SNX24: variants seen among roughly 807,000 people sequenced by gnomAD.
The protein encoded by SNX24 is sorting nexin-24.
Under a neutral mutation model 28.7 loss-of-function variants are expected in SNX24, and 22 were observed. The observed-to-expected ratio is 0.77, with a 90% CI of 0.55 to 1.10. The LOEUF (loss-of-function observed/expected upper bound fraction) is 1.10, where lower values mean the gene tolerates loss of function less well. Ranked by LOEUF, SNX24 falls within the 50% of genes least tolerant of loss-of-function variation. The probability of loss-of-function intolerance (pLI) is 0.00; values close to 1 mark genes in which losing one functional copy is unlikely to be tolerated. For synonymous variants in SNX24, 69 were observed against 71.5 expected (o/e 0.96, Z 0.18); for missense variants, 221 against 201.1 (o/e 1.10, Z -0.60).
intron 1 of SNX24, among the ~76,000 whole-genome samples, chr5:122,923,166 A>C (rs1758518181): frequency 6.6e-6 from 1 of 151,892 alleles, no homozygotes; most frequent in South Asian, 2.1e-4. Flanking sequence ...CCTCATCTCT[A>C]CCAAAATATA....
At chr5:122,891,084 G>A (rs917087134) in intron 1 of SNX24, 1 of 1,534,822 alleles carries the variant, frequency 6.5e-7, no homozygotes, top group Non-Finnish European at 8.8e-7. Context: ...TGAAGTTATT[G>A]TTCTGGAAAT....
At chr5:122,874,568 T>G (rs557984455) in intron 1 of SNX24, among the ~76,000 whole-genome samples, 2 of 152,344 alleles carry the variant, frequency 1.3e-5, no homozygotes, top group East Asian at 3.9e-4. Context: ...TGAGTGCTGA[T>G]CGATGTGCGG....
intron 2 of SNX24, among the ~76,000 whole-genome samples, chr5:122,938,483 G>A (rs1387251197): frequency 1.3e-5 from 2 of 152,112 alleles, no homozygotes; most frequent in Non-Finnish European, 2.9e-5. Flanking sequence ...AAATATTTGA[G>A]ACAACTTTAC....
In SNX24 at chr5:122,987,783, G is replaced by T. The variant is rs1392172541; in HGVS notation, c.250-12129G>T. Among the ~76,000 whole-genome samples, 3 of 152,118 alleles carry T rather than the reference G, an allele frequency of 2.0e-5. No homozygotes were observed. The South Asian group carries it at 6.2e-4, about 32-fold the overall frequency. On this transcript the variant is annotated intron_variant, in intron 3 of 6. Transcript: ENST00000261369. The stretch of plus-strand genomic sequence containing the variant: ...GCGGGGCAACACCATTGCACAGAAG[G>T]CCTTTATTGGAACTTATTGGCCCAC...
At chr5:122,971,773 A>G (rs746198711) in intron 3 of SNX24, among the ~76,000 whole-genome samples, 2 of 152,228 alleles carry the variant, frequency 1.3e-5, no homozygotes, top group African/African-American at 2.4e-5. Context: ...GTCCTCATTC[A>G]TGCAACTGGT....
intron 1 of SNX24, among the ~76,000 whole-genome samples, chr5:122,899,927 T>A (rs991118206): frequency 5.3e-5 from 8 of 152,204 alleles, no homozygotes; most frequent in Non-Finnish European, 1.2e-4. Flanking sequence ...GAACCCATTT[T>A]AAAAATCTTG....
intron 5 of SNX24, 99 bp from the exon 6 acceptor site, chr5:123,001,841 G>A (rs759315446): frequency 3.3e-5 from 32 of 963,978 alleles, no homozygotes; most frequent in East Asian, 7.2e-5. Flanking sequence ...ACCTTGAGAC[G>A]TCCCCGCACA....
chr5:122,996,981 A>G (rs1367903777), intron 3 of SNX24, among the ~76,000 whole-genome samples: 1 of 152,220 alleles, frequency 6.6e-6, no homozygotes, highest in Non-Finnish European at 1.5e-5. Context: ...AAGCCTTTCA[A>G]GAAACTGAAG....
intron 3 of SNX24, among the ~76,000 whole-genome samples, chr5:122,973,097 A>G (rs1200822937): frequency 1.3e-5 from 2 of 152,198 alleles, no homozygotes; most frequent in South Asian, 4.1e-4. Flanking sequence ...TGCTGAGGTC[A>G]TCCTTTGGTG....
chr5:122,993,260 G>A (rs1217643797), intron 3 of SNX24, among the ~76,000 whole-genome samples: 1 of 150,650 alleles, frequency 6.6e-6, no homozygotes, highest in Non-Finnish European at 1.5e-5. Flanking sequence ...TATTTTTCAG[G>A]TGGTCAGGAT....
chr5:122,847,100 A>G (rs1754673866), intron 1 of SNX24, among the ~76,000 whole-genome samples: 1 of 152,076 alleles, frequency 6.6e-6, no homozygotes, highest in Non-Finnish European at 1.5e-5. Flanking sequence ...ACATTCATTT[A>G]GGATCTGAAG....
intron 1 of SNX24, among the ~76,000 whole-genome samples, chr5:122,894,038 GA>G (rs375432717): frequency 1.1e-3 from 145 of 131,980 alleles, no homozygotes; most frequent in Admixed American, 1.3e-3. Flanking sequence ...ACTCCAAATC[GA>G]AAAAAAAAAA....
chr5:122,897,966 C>T (rs1251418354), intron 1 of SNX24, among the ~76,000 whole-genome samples: 2 of 152,166 alleles, frequency 1.3e-5, no homozygotes, highest in Non-Finnish European at 2.9e-5. Context: ...AACTCATTTT[C>T]AGGTCTTTGA....
intron 3 of SNX24, among the ~76,000 whole-genome samples, chr5:122,999,695 A>C (rs1419182579): frequency 6.6e-6 from 1 of 152,186 alleles, no homozygotes; most frequent in Non-Finnish European, 1.5e-5. Context: ...CAGTTGAATG[A>C]AAGAACAGAT....
chr5:122,911,120 TCCAGCAC>T (rs1757867143), intron 1 of SNX24, among the ~76,000 whole-genome samples: 4 of 152,204 alleles, frequency 2.6e-5, no homozygotes, highest in Non-Finnish European at 4.4e-5. Context: ...CCACATCCTC[TCCAGCAC>T]TTGTTGTTTC....
chr5:122,886,154 C>T (rs1756704428), intron 1 of SNX24, among the ~76,000 whole-genome samples: 1 of 152,092 alleles, frequency 6.6e-6, no homozygotes, highest in South Asian at 2.1e-4. Flanking sequence ...GCTACAGCTT[C>T]GTGATGACAC....
Position 123,008,878 on chromosome 5 carries a change from G to A in SNX24, c.*1129G>A. The A allele has an allele frequency of 1.0e-6, 1 of 983,346 alleles. No individual in the cohort carries two copies. The highest frequency in any genetic ancestry group is 1.2e-6 in the Non-Finnish European group (1 of 827,670). 60.9% of individuals were successfully genotyped at this position (983,346 alleles called of 1,614,324 possible). On this transcript the variant is annotated 3_prime_UTR_variant, in exon 7 of 7. Transcript: ENST00000261369. ...AAGCATATATACTACCTATATGTAT[G>A]TGCTGTATGTGGGCATTTCATTGAG...
chr5:122,918,272 A>G (rs577247556), intron 1 of SNX24, among the ~76,000 whole-genome samples: 1 of 152,204 alleles, frequency 6.6e-6, no homozygotes, highest in African/African-American at 2.4e-5. Context: ...AGTTCAGTTT[A>G]TAACAGGGCA....
chr5:123,025,030 T>G (rs1214971234), intron 5 of SNX24, among the ~76,000 whole-genome samples: 1 of 152,228 alleles, frequency 6.6e-6, no homozygotes, highest in Non-Finnish European at 1.5e-5. Flanking sequence ...AGATTCAAAT[T>G]CTCTTCAATA....
Sources: allele counts gnomAD v4.1 joint callset (sites outside exome capture counted in the v4.1 genomes callset), GRCh38; gene constraint gnomAD v4.1.1; transcripts MANE v1.5; gene names NCBI Gene and HGNC (gene_info 2026-07-23, HGNC 2026-07-21).